The following CCDC122 variants were observed in gnomAD, a reference collection of about 807,000 sequenced individuals.
The protein encoded by CCDC122 is coiled-coil domain containing 122.
A neutral mutation model predicts 37.0 loss-of-function variants in CCDC122; 38 were observed. The observed-to-expected ratio is 1.03, with a 90% CI of 0.79 to 1.35. The LOEUF (loss-of-function observed/expected upper bound fraction) is 1.35, where lower values mean the gene tolerates loss of function less well. Among genes scored for constraint, CCDC122 ranks in the 40% most tolerant of loss-of-function variants. The probability of loss-of-function intolerance (pLI) is 0.00; values close to 1 mark genes in which losing one functional copy is unlikely to be tolerated. For missense variants in CCDC122, 305 were observed against 310.0 expected (o/e 0.98, Z 0.12); for synonymous variants, 83 against 95.6 (o/e 0.87, Z 0.77).
At chr13:43,865,547 A>AT (rs1954250379) in intron 4 of CCDC122, among the ~76,000 whole-genome samples, 2 of 152,172 alleles carry the variant, frequency 1.3e-5, no homozygotes, top group Admixed American at 1.3e-4. Context: ...ACAACAAAAT[A>AT]ATTATAACGA....
intron 6 of CCDC122, among the ~76,000 whole-genome samples, chr13:43,840,411 G>T (rs1953307401): frequency 6.6e-6 from 1 of 151,676 alleles, no homozygotes; most frequent in African/African-American, 2.4e-5. Context: ...TAAGTTTTAG[G>T]GTACATGTGC....
At chr13:43,821,721 A>G (rs1952994255), downstream of CCDC122, among the ~76,000 whole-genome samples, 1 of 152,042 alleles carries the variant, frequency 6.6e-6, no homozygotes, top group South Asian at 2.1e-4. Flanking sequence ...CAAATACCTC[A>G]TCTTCAAGCT....
downstream of CCDC122, among the ~76,000 whole-genome samples, chr13:43,835,459 A>AT (rs1324877856): frequency 6.6e-6 from 1 of 152,172 alleles, no homozygotes; most frequent in African/African-American, 2.4e-5. Context: ...TTAAAGTATA[A>AT]TAAAAAAAGA....
chr13:43,833,809 C>G (rs2325084), downstream of CCDC122, among the ~76,000 whole-genome samples: 136,279 of 152,036 alleles, frequency 0.9, 61,899 homozygotes, highest in South Asian at 0.98. Flanking sequence ...CACTTCCATG[C>G]AGAAAAAAAA....
downstream of CCDC122, among the ~76,000 whole-genome samples, chr13:43,832,839 C>A (rs2153868576): frequency 6.6e-6 from 1 of 152,234 alleles, no homozygotes; most frequent in East Asian, 1.9e-4. Context: ...GTTTCCTCAT[C>A]TGCAAATCAG....
At chr13:43,832,414 T>A (rs1953098311), downstream of CCDC122, among the ~76,000 whole-genome samples, 1 of 152,196 alleles carries the variant, frequency 6.6e-6, no homozygotes, top group South Asian at 2.1e-4. Context: ...CCTTTGTGGA[T>A]AAACAGTGAA....
At chr13:43,831,431 G>T (rs950671144), downstream of CCDC122, among the ~76,000 whole-genome samples, 1 of 152,094 alleles carries the variant, frequency 6.6e-6, no homozygotes, top group Non-Finnish European at 1.5e-5. Flanking sequence ...ATGGATTCTG[G>T]GAGAAACAGT....
intron 4 of CCDC122, among the ~76,000 whole-genome samples, chr13:43,866,227 G>A (rs1269383253): frequency 6.6e-6 from 1 of 152,148 alleles, no homozygotes; most frequent in Non-Finnish European, 1.5e-5. Flanking sequence ...AGCTCACTGT[G>A]GGTAACTGAA....
At chr13:43,867,327 G>A (rs529197520) in intron 4 of CCDC122, among the ~76,000 whole-genome samples, 1 of 152,014 alleles carries the variant, frequency 6.6e-6, no homozygotes, top group Non-Finnish European at 1.5e-5. Context: ...AACTATTTAT[G>A]GTTCTAGGAA....
chr13:43,864,043 T>C (rs1729461940), intron 4 of CCDC122, among the ~76,000 whole-genome samples: 1 of 152,142 alleles, frequency 6.6e-6, no homozygotes, highest in Non-Finnish European at 1.5e-5. Context: ...AAATTTGAGG[T>C]TCAGAATTTT....
intron 1 of CCDC122, among the ~76,000 whole-genome samples, chr13:43,876,927 AT>A (rs1450808565): frequency 6.6e-6 from 1 of 152,136 alleles, no homozygotes; most frequent in African/African-American, 2.4e-5. Context: ...CCTGGCCAAC[AT>A]GGTGAAACCC....
At chr13:43,869,571 G>T in intron 2 of CCDC122, 82 bp from the exon 3 acceptor site, 2 of 509,590 alleles carry the variant, frequency 3.9e-6, no homozygotes, top group Non-Finnish European at 3.4e-6. Context: ...AGAATACAAT[G>T]GTTAAGTGAT....
At chr13:43,856,982 T>C (rs866689092) in intron 6 of CCDC122, among the ~76,000 whole-genome samples, 1 of 152,214 alleles carries the variant, frequency 6.6e-6, no homozygotes, top group Non-Finnish European at 1.5e-5. Context: ...AATTTCACAT[T>C]TCTTTCCAAA....
downstream of CCDC122, among the ~76,000 whole-genome samples, chr13:43,820,485 C>G (rs2153867284): frequency 6.6e-6 from 1 of 152,250 alleles, no homozygotes. Flanking sequence ...GAGAAGCTCT[C>G]ACTGGTCAAA....
rs1954828406 is a variant in CCDC122, at chr13:43,879,697, G to A, written c.-266C>T. The A allele has an allele frequency of 6.5e-6, 1 of 153,698 alleles. No homozygotes were observed. Among genetic ancestry groups the A allele is most frequent in the Non-Finnish European group, 1.5e-5 (1 of 68,800 alleles). The allele number at this position is 153,698 out of a possible 1,614,324, so 9.5% of individuals were successfully genotyped here. On this transcript the variant is annotated 5_prime_UTR_variant, in exon 1 of 7. Coordinates refer to ENST00000444614, the MANE Select transcript of CCDC122 (RefSeq NM_144974.5). ...CGTCAGGTTTCCCCTGGGATCCTGG[G>A]ACGGTATCAGGCGGGGAATCTGTGC...
At chr13:43,827,394 G>A (rs1482828301) in intron 3 of CCDC122, among the ~76,000 whole-genome samples, 1 of 152,154 alleles carries the variant, frequency 6.6e-6, no homozygotes, top group African/African-American at 2.4e-5. Flanking sequence ...TCAATCAAAT[G>A]CTAGACTGTC....
chr13:43,857,633 T>C (rs1193810201), intron 6 of CCDC122, among the ~76,000 whole-genome samples: 1 of 152,170 alleles, frequency 6.6e-6, no homozygotes, highest in Non-Finnish European at 1.5e-5. Context: ...CCGGGTGTGG[T>C]GGCTCACGCC....
downstream of CCDC122, among the ~76,000 whole-genome samples, chr13:43,831,661 G>A (rs1444125694): frequency 6.6e-6 from 1 of 152,110 alleles, no homozygotes; most frequent in Non-Finnish European, 1.5e-5. Flanking sequence ...GAGTAATGCT[G>A]GCAAATATCT....
downstream of CCDC122, among the ~76,000 whole-genome samples, chr13:43,834,856 TTGG>T (rs2153868758): frequency 6.6e-6 from 1 of 152,196 alleles, no homozygotes; most frequent in Admixed American, 6.5e-5. Context: ...TTTTACACTG[TTGG>T]TGGGACTGTA....
Sources: allele counts gnomAD v4.1 joint callset (sites outside exome capture counted in the v4.1 genomes callset), GRCh38; gene constraint gnomAD v4.1.1; transcripts MANE v1.5; gene names NCBI Gene and HGNC (gene_info 2026-07-23, HGNC 2026-07-21).